PDPR: variants seen among roughly 807,000 people sequenced by gnomAD.
The protein encoded by PDPR is pyruvate dehydrogenase phosphatase regulatory subunit, mitochondrial.
In PDPR, 50 loss-of-function variants were observed where a neutral mutation model predicts 102.2. That is an observed-to-expected ratio of 0.49 (90% CI 0.39 to 0.62). PDPR has a LOEUF of 0.62. Among genes scored for constraint, PDPR ranks in the 20% least tolerant of loss-of-function variants. The probability of loss-of-function intolerance (pLI) is 0.00; values close to 1 mark genes in which losing one functional copy is unlikely to be tolerated. For synonymous variants in PDPR, 259 were observed against 406.0 expected, an observed-to-expected ratio of 0.64 and a Z score of 4.35; for missense variants, 625 against 1,098.2, an observed-to-expected ratio of 0.57 and a Z score of 6.09.
chr16:70,124,778 T>C (rs1963749855), intron 3 of PDPR, among the ~76,000 whole-genome samples: 2 of 152,328 alleles, frequency 1.3e-5, no homozygotes, highest in African/African-American at 4.8e-5. Flanking sequence ...AAAATCTCTT[T>C]AGGGAGCTGA....
chr16:70,155,680 G>A (rs987608987), intron 18 of PDPR, among the ~76,000 whole-genome samples: 14 of 152,170 alleles, frequency 9.2e-5, no homozygotes, highest in African/African-American at 1.2e-4. Flanking sequence ...GTGAGCCACC[G>A]TGCCTGGCCA....
chr16:70,124,717 A>C (rs544438678), intron 3 of PDPR, among the ~76,000 whole-genome samples: 323 of 152,300 alleles, frequency 2.1e-3, no homozygotes, highest in Middle Eastern at 0.01. Flanking sequence ...CCAGCCAGTT[A>C]ATGGAACTCC....
intron 17 of PDPR, 116 bp from the exon 18 acceptor site, chr16:70,153,275 T>A (rs1966843282): frequency 3.4e-6 from 4 of 1,180,746 alleles, no homozygotes; most frequent in Non-Finnish European, 4.7e-6. Context: ...TCCTGGGAGT[T>A]TTATACGCCT....
chr16:70,145,668 C>G, intron 15 of PDPR: 1 of 461,778 alleles, frequency 2.2e-6, no homozygotes, highest in Non-Finnish European at 4.3e-6. Flanking sequence ...ATGTTCTAGC[C>G]TGTCTTAGGA....
intron 3 of PDPR, among the ~76,000 whole-genome samples, chr16:70,121,319 G>A (rs1276687120): frequency 1.3e-5 from 2 of 151,606 alleles, no homozygotes; most frequent in Non-Finnish European, 2.9e-5. Context: ...ATTTGTAATA[G>A]TTACAGAGAT....
chr16:70,155,793 TA>T (rs546477345), intron 18 of PDPR, among the ~76,000 whole-genome samples: 8 of 149,606 alleles, frequency 5.3e-5, no homozygotes, highest in African/African-American at 2.0e-4. Flanking sequence ...TGGGATTATA[TA>T]AAAAAGTCTT....
chr16:70,156,001 T>A (rs1967131950), intron 18 of PDPR, among the ~76,000 whole-genome samples: 1 of 152,232 alleles, frequency 6.6e-6, no homozygotes, highest in Admixed American at 6.5e-5. Context: ...GTGATTTTCC[T>A]GTCTCAGCCT....
chr16:70,132,378 G>A, intron 9 of PDPR, 78 bp downstream of exon 9: 3 of 1,417,250 alleles, frequency 2.1e-6, no homozygotes, highest in Non-Finnish European at 2.9e-6. Context: ...TTGAAGAATA[G>A]TTCCTTGTTT....
At chr16:70,141,193 A>G (rs1209491323) in intron 11 of PDPR, among the ~76,000 whole-genome samples, 2 of 152,206 alleles carry the variant, frequency 1.3e-5, no homozygotes, top group Non-Finnish European at 2.9e-5. Flanking sequence ...AGCTGGGATT[A>G]CAGGCGCCTG....
At position 70,161,946 on chromosome 16, in the gene PDPR, C is replaced by G. The variant is rs994522029; in HGVS notation, c.*5067C>G. On this transcript the variant is annotated 3_prime_UTR_variant, in exon 19 of 19. Transcript: ENST00000288050. ...AGGGAGGGTTTTTTAGCATCTCTTTCAAAAGATGTATGTCAGAATTTCCTT... is the reference window on the plus strand; with the variant it reads ...AGGGAGGGTTTTTTAGCATCTCTTTGAAAAGATGTATGTCAGAATTTCCTT... 4.6e-5 allele frequency: 7 copies of G among 152,368 alleles called. No homozygotes were observed. Among genetic ancestry groups the G allele is most frequent in the Admixed American group, 2.0e-4 (3 of 15,282 alleles). The allele number at this position is 152,368 out of a possible 1,614,324, so 9.4% of individuals were successfully genotyped here.
intron 9 of PDPR, among the ~76,000 whole-genome samples, chr16:70,133,944 G>T (rs1964829282): frequency 6.6e-6 from 1 of 152,184 alleles, no homozygotes; most frequent in Non-Finnish European, 1.5e-5. Context: ...TGTTGGTCAG[G>T]CTGGTTTCGA....
At chr16:70,150,591 T>C (rs1966656055) in intron 17 of PDPR, among the ~76,000 whole-genome samples, 1 of 152,082 alleles carries the variant, frequency 6.6e-6, no homozygotes, top group Non-Finnish European at 1.5e-5. Flanking sequence ...TTACTGCAGC[T>C]TGACCTCCGA....
At chr16:70,141,500 T>C (rs867734921) in intron 11 of PDPR, among the ~76,000 whole-genome samples, 5 of 152,272 alleles carry the variant, frequency 3.3e-5, no homozygotes, top group African/African-American at 1.2e-4. Context: ...GGAGGAAATG[T>C]CTGTAACAGG....
chr16:70,129,366 C>T (rs1178424081), intron 6 of PDPR, among the ~76,000 whole-genome samples: 2 of 152,238 alleles, frequency 1.3e-5, no homozygotes, highest in East Asian at 1.9e-4. Context: ...TTTTTGGAGA[C>T]AGAGCTTCAC....
intron 17 of PDPR, among the ~76,000 whole-genome samples, chr16:70,150,531 A>ATTTTTTTTTTTTTTTTTTTTTTTTTTTTT (rs71151175): frequency 7.2e-6 from 1 of 138,300 alleles, no homozygotes. Flanking sequence ...TTTTCTCTTA[A>ATTTTTTTTTTTTTTTTTTTTTTTTTTTTT]TTTTTTTTTT....
intron 18 of PDPR, among the ~76,000 whole-genome samples, chr16:70,154,064 G>C (rs1430343274): frequency 1.3e-5 from 2 of 152,254 alleles, no homozygotes; most frequent in Admixed American, 6.5e-5. Context: ...CTATAGTCAG[G>C]AGAATGGCGT....
In PDPR at chr16:70,158,610, A is replaced by G. The variant is rs1265081703; in HGVS notation, c.*1731A>G. On this transcript the variant is annotated 3_prime_UTR_variant, in exon 19 of 19. Coordinates refer to ENST00000288050, the MANE Select transcript of PDPR (RefSeq NM_017990.5). ...GCTTGTTAGAGGAGCATATGATTAG[A>G]ATTCTGTTTGGGGGTCTAGTTGTCT... The G allele has an allele frequency of 2.0e-5, 3 of 152,716 alleles. No individual in the cohort carries two copies. Among genetic ancestry groups the G allele is most frequent in the Non-Finnish European group, 2.9e-5 (2 of 68,356 alleles). 9.5% of individuals were successfully genotyped at this position (152,716 alleles called of 1,614,324 possible).
At chr16:70,119,922 TTG>T (rs71236440) in intron 2 of PDPR, among the ~76,000 whole-genome samples, 2 of 147,166 alleles carry the variant, frequency 1.4e-5, no homozygotes, top group African/African-American at 2.7e-5. Context: ...GTTTGTTTGT[TTG>T]TTTTTTTTTT....
chr16:70,126,496 T>C (rs1232620960), intron 3 of PDPR, among the ~76,000 whole-genome samples: 1 of 152,250 alleles, frequency 6.6e-6, no homozygotes, highest in Admixed American at 6.5e-5. Flanking sequence ...CCCGAGTAGC[T>C]GGGACTACAG....
Sources: gnomAD v4.1 joint callset for allele counts (sites outside exome capture counted in the v4.1 genomes callset) on GRCh38, gnomAD v4.1.1 for gene constraint, MANE v1.5 for transcripts, NCBI Gene and HGNC (gene_info 2026-07-23, HGNC 2026-07-21) for gene names.